Variants in CDKL3 observed in about 807,000 individuals in gnomAD.
The protein encoded by CDKL3 is cyclin-dependent kinase-like 3.
Under a neutral mutation model 69.3 loss-of-function variants are expected in CDKL3, and 65 were observed. The ratio of observed to expected loss-of-function variants is 0.94; its 90% CI spans 0.77 to 1.15. The LOEUF is 1.15. CDKL3 is among the 50% of genes most tolerant of loss of function. The pLI is 0.00. For synonymous variants in CDKL3, 202 were observed against 221.6 expected (o/e 0.91, Z 0.79); for missense variants, 652 against 689.2 (o/e 0.95, Z 0.61).
upstream of CDKL3, chr5:134,367,223 A>G: frequency 1.1e-5 from 11 of 985,810 alleles, no homozygotes; most frequent in Non-Finnish European, 1.3e-5. Flanking sequence ...CGGAAGGGGA[A>G]GTGGGAAGAA....
rs111436627 is a variant in CDKL3, at chr5:134,351,842, A to G, written c.361-1415T>C. Among the ~76,000 whole-genome samples, 1,473 of 152,316 alleles carry G rather than the reference A, an allele frequency of 9.7e-3. 12 individuals are homozygous for G. Among genetic ancestry groups the G allele is most frequent in the African/African-American group, 0.031 (1,307 of 41,556 alleles). The stretch of plus-strand genomic sequence containing the variant: ...GTACATGTTGTTTTAAAATATGTAT[A>G]CATTGTAAAATTAGTTAAATCAAGC... On this transcript the variant is annotated intron_variant, in intron 3 of 12. Transcript: ENST00000265334.
At chr5:134,367,352 T>A (rs1372710133), upstream of CDKL3, 3 of 962,640 alleles carry the variant, frequency 3.1e-6, no homozygotes, top group African/African-American at 1.8e-5. Flanking sequence ...TGAATGTGGA[T>A]AGGAAGGATC....
At chr5:134,352,789 T>C (rs1208856368) in intron 3 of CDKL3, among the ~76,000 whole-genome samples, 5 of 152,110 alleles carry the variant, frequency 3.3e-5, no homozygotes, top group Non-Finnish European at 5.9e-5. Flanking sequence ...TTTCTTACTA[T>C]TGATTTATTT....
upstream of CDKL3, among the ~76,000 whole-genome samples, chr5:134,368,723 G>A (rs963267462): frequency 2.6e-5 from 4 of 151,544 alleles, no homozygotes; most frequent in African/African-American, 9.7e-5. Flanking sequence ...CAAACTTGGT[G>A]TAAGCATATT....
At chr5:134,328,975 C>T (rs1184251887) in intron 4 of CDKL3, among the ~76,000 whole-genome samples, 1 of 152,102 alleles carries the variant, frequency 6.6e-6, no homozygotes, top group Non-Finnish European at 1.5e-5. Context: ...TTGTTGCTAA[C>T]CAATCCACCT....
At chr5:134,304,791 T>C (rs968710552) in intron 10 of CDKL3, among the ~76,000 whole-genome samples, 1 of 149,882 alleles carries the variant, frequency 6.7e-6, no homozygotes, top group African/African-American at 2.5e-5. Flanking sequence ...CTGAGCATAA[T>C]AGTCTTGGTC....
intron 2 of CDKL3, among the ~76,000 whole-genome samples, chr5:134,362,035 G>T (rs1159421950): frequency 2.0e-5 from 3 of 152,194 alleles, no homozygotes; most frequent in Non-Finnish European, 4.4e-5. Flanking sequence ...AATAAGCATT[G>T]TAGAAGATCC....
At chr5:134,342,409 T>C (rs1451798445) in intron 4 of CDKL3, among the ~76,000 whole-genome samples, 2 of 151,880 alleles carry the variant, frequency 1.3e-5, no homozygotes, top group Admixed American at 6.6e-5. Context: ...CCATCCTGGC[T>C]AACACGGTGA....
In CDKL3 at chr5:134,290,702, T is replaced by A. The variant is rs370837355; in HGVS notation, c.*678-4143A>T. ...AATGACATCATCTGATTTAAGTTTT[T>A]TTTTTTAATTTTTTTGTAGAGATGG... On this transcript the variant is annotated intron_variant and NMD_transcript_variant, in intron 8 of 8. Transcript: ENST00000519312. 5.9e-4 allele frequency among the ~76,000 whole-genome samples: 90 copies of A among 152,238 alleles called. 1 individual carries two copies. The Middle Eastern group carries it at 0.017, about 29-fold the overall frequency.
chr5:134,345,448 C>G (rs766159124), intron 4 of CDKL3, among the ~76,000 whole-genome samples: 2 of 152,160 alleles, frequency 1.3e-5, no homozygotes, highest in Non-Finnish European at 2.9e-5. Flanking sequence ...GGGAAGCCAC[C>G]TTGAAAAGGC....
intron 6 of CDKL3, among the ~76,000 whole-genome samples, chr5:134,313,147 T>C (rs1206269636): frequency 6.6e-6 from 1 of 152,182 alleles, no homozygotes; most frequent in Non-Finnish European, 1.5e-5. Context: ...GATGAACTCT[T>C]GAGTTCAAGC....
chr5:134,340,224 G>C (rs574338231), intron 4 of CDKL3, among the ~76,000 whole-genome samples: 2 of 152,078 alleles, frequency 1.3e-5, no homozygotes, highest in Non-Finnish European at 2.9e-5. Flanking sequence ...AGCATTTGTG[G>C]GATGCAGTAA....
At chr5:134,364,906 G>A (rs996488315) in intron 2 of CDKL3, among the ~76,000 whole-genome samples, 2 of 150,934 alleles carry the variant, frequency 1.3e-5, no homozygotes, top group African/African-American at 4.9e-5. Flanking sequence ...TTCTGGGTTT[G>A]AGCGATTGTC....
In CDKL3 at chr5:134,298,517, C is replaced by T. The variant is rs779617528; in HGVS notation, c.*134G>A. The T allele has an allele frequency of 1.3e-4, 188 of 1,436,516 alleles. No individual in the cohort carries two copies. The highest frequency in any genetic ancestry group is 1.6e-4 in the Non-Finnish European group (175 of 1,098,872). The allele number at this position is 1,436,516 out of a possible 1,614,324, so 89.0% of individuals were successfully genotyped here. On this transcript the variant is annotated 3_prime_UTR_variant, in exon 13 of 13. Coordinates refer to ENST00000265334, the MANE Select transcript of CDKL3 (RefSeq NM_001113575.2). ...AAGAAAACAGTAAATGTTTTGCTAA[C>T]AAAAAAAGCTGGATGATGCTCATGC... is the stretch of plus-strand genomic sequence containing the variant.
At chr5:134,354,167 C>T (rs145820653) in intron 3 of CDKL3, among the ~76,000 whole-genome samples, 2 of 152,168 alleles carry the variant, frequency 1.3e-5, no homozygotes, top group Non-Finnish European at 2.9e-5. Flanking sequence ...ATCTGTCATG[C>T]AGTACTGTTG....
intron 8 of CDKL3, among the ~76,000 whole-genome samples, chr5:134,287,421 G>A (rs1764918328): frequency 6.6e-6 from 1 of 152,122 alleles, no homozygotes; most frequent in Non-Finnish European, 1.5e-5. Context: ...TCTTCCAAAG[G>A]AAAGGTAATG....
At chr5:134,352,465 T>C (rs969100754) in intron 3 of CDKL3, among the ~76,000 whole-genome samples, 4 of 152,012 alleles carry the variant, frequency 2.6e-5, no homozygotes, top group Non-Finnish European at 4.4e-5. Context: ...CACGCCCGGC[T>C]AATTTTTGTA....
At chr5:134,316,967 T>G (rs1476995247) in intron 6 of CDKL3, among the ~76,000 whole-genome samples, 1 of 152,122 alleles carries the variant, frequency 6.6e-6, no homozygotes, top group Non-Finnish European at 1.5e-5. Context: ...TCCTTTTTGT[T>G]TACTGTGTAT....
intron 12 of CDKL3, among the ~76,000 whole-genome samples, chr5:134,299,932 A>G (rs191944531): frequency 3.3e-4 from 50 of 152,332 alleles, no homozygotes; most frequent in African/African-American, 1.2e-3. Context: ...TGGCCTTTGT[A>G]TGGACTCTTT....
Sources: gnomAD v4.1 joint callset for allele counts (sites outside exome capture counted in the v4.1 genomes callset) on GRCh38, gnomAD v4.1.1 for gene constraint, MANE v1.5 for transcripts, NCBI Gene and HGNC (gene_info 2026-07-23, HGNC 2026-07-21) for gene names.